The following SLC12A7 variants were observed in gnomAD, a reference collection of about 807,000 sequenced individuals.
The protein encoded by SLC12A7 is K-Cl cotransporter 4.
A neutral mutation model predicts 120.6 loss-of-function variants in SLC12A7; 100 were observed. The observed-to-expected ratio is 0.83, with a 90% CI of 0.71 to 0.98. SLC12A7 has a LOEUF of 0.98. Among genes scored for constraint, SLC12A7 ranks in the 50% least tolerant of loss-of-function variants. The pLI, the probability that SLC12A7 is intolerant of heterozygous loss-of-function variation, is 0.00. For synonymous variants in SLC12A7, 760 were observed against 678.0 expected (o/e 1.12, Z -1.88); for missense variants, 1,373 against 1,548.1 (o/e 0.89, Z 1.90).
upstream of SLC12A7, among the ~76,000 whole-genome samples, chr5:1,115,016 G>A (rs1255351367): frequency 6.6e-6 from 1 of 152,214 alleles, no homozygotes; most frequent in Non-Finnish European, 1.5e-5. Flanking sequence ...ATTGGTTCCC[G>A]ACAATCTCCC....
At position 1,053,438 on chromosome 5, in the gene SLC12A7, T is replaced by C; in HGVS notation, c.3071A>G (p.Asn1024Ser). 6.2e-7 allele frequency: 1 copy of C among 1,613,902 alleles called. No individual in the cohort carries two copies. Among genetic ancestry groups the C allele is most frequent in the Non-Finnish European group, 8.5e-7 (1 of 1,180,008 alleles). ...CTGGGACTTGTTGAGGACGACGCCA[T>C]TGAGCTTCACAGCCGTGTGCATCCG... ...VRRMHTAVKLNGVVLNKSQDA... is the reference protein window; with the variant it reads ...VRRMHTAVKLSGVVLNKSQDA... The change falls in exon 23 of 24, where the codon AAT (asparagine) becomes AGT (serine). Residue 1024 changes from asparagine to serine, a missense_variant. By Grantham distance (46) the Asn-to-Ser change is conservative (BLOSUM62 1). Transcript: ENST00000264930.
chr5:1,084,443 C>T (rs1452374449), intron 7 of SLC12A7, among the ~76,000 whole-genome samples: 1 of 152,204 alleles, frequency 6.6e-6, no homozygotes, highest in African/African-American at 2.4e-5. Flanking sequence ...GTCACAATCT[C>T]AGTGTCTGAG....
At chr5:1,061,044 CCT>C (rs1414075594) in intron 20 of SLC12A7, among the ~76,000 whole-genome samples, 1 of 139,822 alleles carries the variant, frequency 7.2e-6, no homozygotes, top group African/African-American at 2.7e-5. Flanking sequence ...GTGCGGGATC[CCT>C]GAGTCTCACC....
At chr5:1,145,957 A>G in the SLC12A7 span, among the ~76,000 whole-genome samples, 1 of 152,234 alleles carries the variant, frequency 6.6e-6, no homozygotes, top group East Asian at 1.9e-4. The surrounding 1 kb of genome is among the most constrained non-coding windows in gnomAD (Gnocchi z 4.4). Context: ...CATCACCGCC[A>G]TCCTTCTCCA....
At chr5:1,143,028 G>A in the SLC12A7 span, among the ~76,000 whole-genome samples, 2 of 151,902 alleles carry the variant, frequency 1.3e-5, no homozygotes, top group African/African-American at 2.4e-5. Flanking sequence ...GCTTGTTCCC[G>A]TGCCGGGCAC....
At chr5:1,083,035 G>A (rs372559631) in intron 8 of SLC12A7, among the ~76,000 whole-genome samples, 52 of 138,488 alleles carry the variant, frequency 3.8e-4, no homozygotes, top group African/African-American at 6.2e-4. Flanking sequence ...TGGGCTTCCC[G>A]TCTCAGGTTC....
chr5:1,058,080 G>A (rs531825012), intron 21 of SLC12A7, among the ~76,000 whole-genome samples: 51 of 152,340 alleles, frequency 3.3e-4, no homozygotes, highest in Admixed American at 5.2e-4. Context: ...CCCTGTCCCC[G>A]GGGAAGCAGG....
At chr5:1,077,693 G>A in intron 12 of SLC12A7, 140 bp downstream of exon 12, 1 of 882,170 alleles carries the variant, frequency 1.1e-6, no homozygotes, top group Non-Finnish European at 1.7e-6. Flanking sequence ...GCTCTGTGCA[G>A]TGGCCAGGGG....
At chr5:1,096,221 A>G (rs909203698) in intron 1 of SLC12A7, among the ~76,000 whole-genome samples, 17 of 152,148 alleles carry the variant, frequency 1.1e-4, no homozygotes, top group African/African-American at 4.1e-4. Context: ...CTTACTCCCA[A>G]CAGTTCAGAA....
At chr5:1,081,778 C>G in intron 8 of SLC12A7, 34 bp from the exon 9 acceptor site, 1 of 1,597,882 alleles carries the variant, frequency 6.3e-7, no homozygotes, top group Non-Finnish European at 8.6e-7. Flanking sequence ...GGGTTTCTGG[C>G]ACCTTCTGTG....
intron 20 of SLC12A7, among the ~76,000 whole-genome samples, chr5:1,062,400 G>C (rs954403427): frequency 3.3e-5 from 5 of 152,334 alleles, no homozygotes; most frequent in Admixed American, 3.3e-4. Flanking sequence ...ACAAACTCCA[G>C]CCATCGTCCC....
At chr5:1,090,428 G>A (rs1327991479) in intron 3 of SLC12A7, among the ~76,000 whole-genome samples, 1 of 152,216 alleles carries the variant, frequency 6.6e-6, no homozygotes, top group Non-Finnish European at 1.5e-5. Context: ...CGGGGGCCCT[G>A]GAGAGGAGAG....
At chr5:1,134,267 C>T in the SLC12A7 span, among the ~76,000 whole-genome samples, 1 of 152,022 alleles carries the variant, frequency 6.6e-6, no homozygotes, top group African/African-American at 2.4e-5. Flanking sequence ...GTCAGGAGTT[C>T]GAGACCAGCC....
Position 1,077,932 on chromosome 5 carries a change from G to A in SLC12A7, c.1530C>T (p.Gly510=), listed in dbSNP as rs1579368585. The stretch of plus-strand genomic sequence containing the variant: ...CGGCACCGCAGGTGGAGAAGAAGGA[G>A]CCGATGACGATGACCCAGGGGGAGG... ...AWPSPWVIVI[G]SFFSTCGAGL... The change falls in exon 12 of 24, where the codon GGC becomes GGT. Residue 510 remains glycine, a synonymous_variant. Transcript: ENST00000264930. 6.2e-7 allele frequency: 1 copy of A among 1,602,020 alleles called. No individual in the cohort carries two copies.
the SLC12A7 span, among the ~76,000 whole-genome samples, chr5:1,144,994 C>G: frequency 1.3e-5 from 2 of 152,272 alleles, no homozygotes; most frequent in Non-Finnish European, 2.9e-5. Context: ...ACAGCAGCAG[C>G]CAGCACCACT....
At chr5:1,103,754 C>T (rs1742234132) in intron 1 of SLC12A7, among the ~76,000 whole-genome samples, 1 of 152,244 alleles carries the variant, frequency 6.6e-6, no homozygotes, top group Admixed American at 6.5e-5. Context: ...GCCCAGGACA[C>T]AGGCATGCAC....
chr5:1,060,936 C>A (rs1736121317), intron 20 of SLC12A7, among the ~76,000 whole-genome samples: 1 of 138,506 alleles, frequency 7.2e-6, no homozygotes. Context: ...GTGCGGGACC[C>A]CTGCGCCTCA....
At chr5:1,080,999 GAGAGAGAGACAGACAGACAGAC>G (rs1396519883) in intron 9 of SLC12A7, among the ~76,000 whole-genome samples, 3 of 63,452 alleles carry the variant, frequency 4.7e-5, no homozygotes, top group South Asian at 4.3e-4. Context: ...GAGAGAGACA[GAGAGAGAGACAGACAGACAGAC>G]AGAGAGAGAG....
upstream of SLC12A7, chr5:1,112,125 T>A: frequency 9.8e-7 from 1 of 1,024,814 alleles, no homozygotes; most frequent in Non-Finnish European, 1.2e-6. Context: ...TGACTTCACC[T>A]GCTTGCCCCG....
Sources: allele counts gnomAD v4.1 joint callset (sites outside exome capture counted in the v4.1 genomes callset), GRCh38; gene constraint gnomAD v4.1.1; non-coding constraint Gnocchi (gnomAD v3.1); transcripts MANE v1.5; gene names NCBI Gene and HGNC (gene_info 2026-07-23, HGNC 2026-07-21).